The following EPHA6 variants were observed in gnomAD, a reference collection of about 807,000 sequenced individuals.
EPHA6 encodes the protein EPH receptor A6.
In EPHA6, 50 loss-of-function variants were observed where a neutral mutation model predicts 112.0. That is an observed-to-expected ratio of 0.45 (90% confidence interval 0.36 to 0.56). The LOEUF (loss-of-function observed/expected upper bound fraction) is 0.56, where lower values mean the gene tolerates loss of function less well. EPHA6 is among the 20% of genes least tolerant of loss of function. The pLI, the probability that EPHA6 is intolerant of heterozygous loss-of-function variation, is 0.00. For synonymous variants in EPHA6, 529 were observed against 490.7 expected (o/e 1.08, Z -1.03); for missense variants, 1,280 against 1,417.4 (o/e 0.90, Z 1.56).
chr3:97,049,846 A>G (rs779220560), intron 3 of EPHA6, among the ~76,000 whole-genome samples: 25 of 152,186 alleles, frequency 1.6e-4, no homozygotes, highest in Non-Finnish European at 2.8e-4. Flanking sequence ...GAGGGGAGAT[A>G]TTATTCTGTT....
intron 9 of EPHA6, among the ~76,000 whole-genome samples, chr3:97,479,730 T>C (rs1266827924): frequency 5.9e-5 from 9 of 152,230 alleles, no homozygotes; most frequent in Non-Finnish European, 1.0e-4. Context: ...TTATTCCTTC[T>C]TGTAGGGACT....
chr3:97,019,097 A>G (rs1000094924), intron 3 of EPHA6, among the ~76,000 whole-genome samples: 5 of 152,314 alleles, frequency 3.3e-5, no homozygotes, highest in Admixed American at 2.6e-4. Flanking sequence ...AGTAATTGTT[A>G]CAAACTAATG....
chr3:96,862,926 A>G (rs2036090385), intron 1 of EPHA6, among the ~76,000 whole-genome samples: 1 of 151,994 alleles, frequency 6.6e-6, no homozygotes, highest in African/African-American at 2.4e-5. Flanking sequence ...CTAATACACT[A>G]AAAGACATGT....
rs997745226 is a variant in EPHA6, at chr3:97,665,532, T to TA, written c.2784+27458dup. 4.6e-5 allele frequency among the ~76,000 whole-genome samples: 7 copies of TA among 152,060 alleles called. 1 individual carries two copies. Among genetic ancestry groups the TA allele is most frequent in the South Asian group, 4.2e-4 (2 of 4,816 alleles). On this transcript the variant is annotated intron_variant, in intron 14 of 17. Transcript: ENST00000389672. ...CATGTTATCAGCATATTAAAAATGT[T>TA]AAAAAAAAGATCCAGCCTGGTCACA...
At chr3:97,222,289 C>A (rs2078231073) in intron 3 of EPHA6, among the ~76,000 whole-genome samples, 1 of 151,850 alleles carries the variant, frequency 6.6e-6, no homozygotes, top group Admixed American at 6.6e-5. Context: ...CAACAGAATT[C>A]TTTATTTTTA....
At chr3:97,145,497 T>A (rs2076021044) in intron 3 of EPHA6, among the ~76,000 whole-genome samples, 1 of 151,304 alleles carries the variant, frequency 6.6e-6, no homozygotes, top group Non-Finnish European at 1.5e-5. Flanking sequence ...CTAGTTTAAA[T>A]TTTAAAATAC....
rs953820022 is a variant in EPHA6, at chr3:97,646,301, C to A, written c.2784+8219C>A. 6 of 1,523,806 alleles carry A rather than the reference C, an allele frequency of 3.9e-6. No individual in the cohort carries two copies. The African/African-American group carries it at 6.9e-5, about 18-fold the overall frequency. 94.4% of individuals were successfully genotyped at this position (1,523,806 alleles called of 1,614,324 possible). Reference sequence around the variant, plus strand: ...GAAAGCAATGTGACAAGAGAGATAACCCTCCAACAGTGAGTCTTTCAGAGC... The same window carrying A: ...GAAAGCAATGTGACAAGAGAGATAAACCTCCAACAGTGAGTCTTTCAGAGC... On this transcript the variant is annotated intron_variant, in intron 14 of 17. Transcript: ENST00000389672.
intron 3 of EPHA6, among the ~76,000 whole-genome samples, chr3:97,000,706 G>T (rs1446489301): frequency 3.3e-5 from 5 of 151,564 alleles, no homozygotes; most frequent in African/African-American, 1.2e-4. Flanking sequence ...CAAGGTAAAG[G>T]TTTTTAGTGT....
intron 2 of EPHA6, among the ~76,000 whole-genome samples, chr3:96,889,417 G>A (rs940937651): frequency 2.0e-5 from 3 of 152,182 alleles, no homozygotes; most frequent in Non-Finnish European, 2.9e-5. Flanking sequence ...TCACAGTTCT[G>A]TGTGGCTAAG....
At chr3:97,092,937 C>T (rs1242247596) in intron 3 of EPHA6, among the ~76,000 whole-genome samples, 1 of 152,066 alleles carries the variant, frequency 6.6e-6, no homozygotes, top group South Asian at 2.1e-4. Context: ...ATTCAGGGAG[C>T]TAGGCCTCTG....
At chr3:97,169,759 A>G (rs1371135208) in intron 3 of EPHA6, among the ~76,000 whole-genome samples, 7 of 152,256 alleles carry the variant, frequency 4.6e-5, no homozygotes, top group Middle Eastern at 3.4e-3. Context: ...TTTCATTTGA[A>G]TAAATGAATT....
intron 13 of EPHA6, among the ~76,000 whole-genome samples, chr3:97,616,079 C>T (rs1426839795): frequency 6.6e-6 from 1 of 152,104 alleles, no homozygotes; most frequent in Non-Finnish European, 1.5e-5. Context: ...TTGGAACTGG[C>T]AACAGATCCA....
intron 3 of EPHA6, among the ~76,000 whole-genome samples, chr3:97,071,867 C>T (rs1269707562): frequency 3.9e-5 from 6 of 152,016 alleles, no homozygotes; most frequent in Non-Finnish European, 5.9e-5. Context: ...TTATTCCTCA[C>T]CCGTCCCGCA....
chr3:97,066,381 T>C (rs915744430), intron 3 of EPHA6, among the ~76,000 whole-genome samples: 1 of 152,148 alleles, frequency 6.6e-6, no homozygotes, highest in South Asian at 2.1e-4. Flanking sequence ...GATTACACAA[T>C]GTATTAATTA....
At chr3:97,156,335 T>A (rs909908667) in intron 3 of EPHA6, among the ~76,000 whole-genome samples, 1 of 152,130 alleles carries the variant, frequency 6.6e-6, no homozygotes, top group Non-Finnish European at 1.5e-5. Flanking sequence ...ATTATTAAAA[T>A]TTTAGATACA....
At chr3:97,379,551 C>G (rs761695151) in intron 5 of EPHA6, among the ~76,000 whole-genome samples, 5 of 151,050 alleles carry the variant, frequency 3.3e-5, no homozygotes, top group Non-Finnish European at 7.4e-5. Context: ...GAGTTTGAGA[C>G]CAGCCTGACC....
chr3:97,111,726 T>C (rs1318372443), intron 3 of EPHA6, among the ~76,000 whole-genome samples: 2 of 152,128 alleles, frequency 1.3e-5, no homozygotes, highest in African/African-American at 4.8e-5. Flanking sequence ...CAATGTACAC[T>C]TATATCTTAA....
chr3:96,958,470 C>G (rs1418406261), intron 2 of EPHA6, among the ~76,000 whole-genome samples: 1 of 152,084 alleles, frequency 6.6e-6, no homozygotes, highest in African/African-American at 2.4e-5. Flanking sequence ...ATGTAAATCT[C>G]TAGTACAGTG....
intron 14 of EPHA6, among the ~76,000 whole-genome samples, chr3:97,710,017 A>T (rs529194469): frequency 6.6e-6 from 1 of 152,372 alleles, no homozygotes; most frequent in South Asian, 2.1e-4. Flanking sequence ...AATACAGAAA[A>T]TATGAGCATT....
Sources: gnomAD v4.1 joint callset for allele counts (sites outside exome capture counted in the v4.1 genomes callset) on GRCh38, gnomAD v4.1.1 for gene constraint, MANE v1.5 for transcripts, NCBI Gene and HGNC (gene_info 2026-07-23, HGNC 2026-07-21) for gene names.